The following PKHD1L1 variants were observed in gnomAD, a reference collection of about 807,000 sequenced individuals.
PKHD1L1 encodes the protein fibrocystin-L.
Under a neutral mutation model 462.9 loss-of-function variants are expected in PKHD1L1, and 434 were observed. That is an observed-to-expected ratio of 0.94 (90% CI 0.87 to 1.02). PKHD1L1 has a LOEUF of 1.02. Among genes scored for constraint, PKHD1L1 ranks in the 50% least tolerant of loss-of-function variants. The probability of loss-of-function intolerance (pLI) is 0.00; values close to 1 mark genes in which losing one functional copy is unlikely to be tolerated. For synonymous variants in PKHD1L1, 1,781 were observed against 1,750.0 expected (o/e 1.02, Z -0.44); for missense variants, 5,202 against 5,096.1 (o/e 1.02, Z -0.63).
chr8:109,463,589 C>T (rs1378097655), intron 48 of PKHD1L1, among the ~76,000 whole-genome samples: 2 of 152,154 alleles, frequency 1.3e-5, no homozygotes, highest in Non-Finnish European at 2.9e-5. Context: ...CACACAGACA[C>T]ACTGGTATCC....
intron 21 of PKHD1L1, among the ~76,000 whole-genome samples, chr8:109,415,862 GGGGTGTGTGTGT>G (rs1563752309): frequency 1.7e-4 from 14 of 83,914 alleles, no homozygotes; most frequent in South Asian, 4.4e-4. Flanking sequence ...AAAAAAAAAA[GGGGTGTGTGTGT>G]GTGTGTGTGT....
intron 70 of PKHD1L1, 145 bp downstream of exon 70, chr8:109,508,409 G>A (rs550909900): frequency 3.2e-5 from 25 of 786,286 alleles, no homozygotes; most frequent in Non-Finnish European, 4.2e-5. Context: ...TGAGCAATGC[G>A]CAGGGGAGAG....
intron 76 of PKHD1L1, among the ~76,000 whole-genome samples, chr8:109,523,892 G>C (rs1416025937): frequency 6.6e-6 from 1 of 152,148 alleles, no homozygotes; most frequent in Non-Finnish European, 1.5e-5. Flanking sequence ...TATTCTCTGA[G>C]AACAGAACAA....
At chr8:109,522,932 G>T (rs1250806083) in intron 75 of PKHD1L1, 42 bp downstream of exon 75, 2 of 1,529,512 alleles carry the variant, frequency 1.3e-6, no homozygotes, top group African/African-American at 2.7e-5. Context: ...AAGGAATTAA[G>T]CTACAAATTC....
chr8:109,520,969 G>T (rs1356209786), intron 73 of PKHD1L1, among the ~76,000 whole-genome samples: 1 of 152,180 alleles, frequency 6.6e-6, no homozygotes, highest in Non-Finnish European at 1.5e-5. Flanking sequence ...GCATGGACCT[G>T]AAGCAGTTCT....
At chr8:109,470,474 C>A in intron 50 of PKHD1L1, 5 of 1,607,920 alleles carry the variant, frequency 3.1e-6, no homozygotes, top group Admixed American at 3.4e-5. Context: ...GCCCAGATAG[C>A]GCTAGAGGAA....
At position 109,440,692 on chromosome 8, in the gene PKHD1L1, A is replaced by G. The variant is rs747404706; in HGVS notation, c.3957-18A>G. The stretch of plus-strand genomic sequence containing the variant: ...CAGTAGGAAGCTCATTGAAAAATCT[A>G]TTCATTTTTTTTCTCAGAGACAAAT... On this transcript the variant is annotated intron_variant, in intron 32 of 77. Transcript: ENST00000378402. 1 of 1,600,514 alleles carries G rather than the reference A, an allele frequency of 6.2e-7. No individual in the cohort carries two copies. Among genetic ancestry groups the G allele is most frequent in the Admixed American group, 1.7e-5 (1 of 59,406 alleles).
At chr8:109,470,804 A>C in intron 50 of PKHD1L1, 1 of 1,521,974 alleles carries the variant, frequency 6.6e-7, no homozygotes, top group Non-Finnish European at 9.0e-7. Flanking sequence ...GTAAGGAAGG[A>C]TGAACAAGTT....
intron 50 of PKHD1L1, chr8:109,470,754 TG>T: frequency 6.5e-7 from 1 of 1,546,890 alleles, no homozygotes; most frequent in Non-Finnish European, 8.8e-7. Context: ...AGTTTCTGAG[TG>T]GTAGGGAGGA....
Position 109,496,945 on chromosome 8 carries a change from T to C in PKHD1L1, c.10354T>C (p.Phe3452Leu), listed in dbSNP as rs1473421674. Residue 3452 changes from phenylalanine to leucine, a missense_variant, in exon 64 of 78, where the codon TTT becomes CTT. Physicochemically the swap from Phe to Leu is conservative, Grantham distance 22. Around this residue, in one of 3 missense-constraint regions of PKHD1L1, gnomAD observed 4,497 missense variants for 4,336.8 expected, o/e 1.04. Transcript: ENST00000378402. The stretch of plus-strand genomic sequence containing the variant: ...CCAGTTTAATCCTGTGGAAAAGTGG[T>C]TTGACAATGAAGCCCATGGAGGTTT... Reference protein sequence around the residue: ...PGQFNPVEKWFDNEAHGGLYG... With the variant: ...PGQFNPVEKWLDNEAHGGLYG... 2 of 1,613,462 alleles carry C rather than the reference T, an allele frequency of 1.2e-6. No homozygotes were observed. The highest frequency in any genetic ancestry group is 1.7e-6 in the Non-Finnish European group (2 of 1,179,584).
At chr8:109,396,366 G>A (rs1171220168) in intron 11 of PKHD1L1, among the ~76,000 whole-genome samples, 1 of 152,084 alleles carries the variant, frequency 6.6e-6, no homozygotes, top group African/African-American at 2.4e-5. Context: ...TCTAGGGATG[G>A]CACCAACAGG....
At chr8:109,512,433 C>A (rs1820040550) in intron 71 of PKHD1L1, among the ~76,000 whole-genome samples, 1 of 152,082 alleles carries the variant, frequency 6.6e-6, no homozygotes, top group Admixed American at 6.5e-5. Context: ...GTTTTCCCAG[C>A]ACCATTTATT....
intron 76 of PKHD1L1, among the ~76,000 whole-genome samples, chr8:109,526,176 A>G (rs911365051): frequency 2.6e-5 from 4 of 152,204 alleles, no homozygotes; most frequent in Admixed American, 1.3e-4. Context: ...ACAAGTAACA[A>G]TGTTTCTAAA....
Position 109,534,888 on chromosome 8 carries a change from T to A in PKHD1L1, c.*4798T>A, listed in dbSNP as rs1410601474. On this transcript the variant is annotated 3_prime_UTR_variant, in exon 78 of 78. Coordinates refer to ENST00000378402, the MANE Select transcript of PKHD1L1 (RefSeq NM_177531.6). The stretch of plus-strand genomic sequence containing the variant: ...CTGTTCTAAGAACGCCATTCACCCA[T>A]GAATGTGACTTTATTAGAGGTTTTT... Among the ~76,000 whole-genome samples the A allele has an allele frequency of 7.1e-6, 1 of 141,840 alleles. No individual in the cohort carries two copies. The highest frequency in any genetic ancestry group is 1.5e-5 in the Non-Finnish European group (1 of 65,058). The allele number at this position is 141,840 out of a possible 152,430, so 93.1% of individuals were successfully genotyped here. A position where few individuals can be genotyped will look rare whatever the true frequency, so the allele number is the denominator to read the frequency against.
intron 8 of PKHD1L1, 137 bp from the exon 9 acceptor site, chr8:109,390,315 A>G: frequency 2.3e-6 from 1 of 443,350 alleles, no homozygotes; most frequent in Non-Finnish European, 4.0e-6. Context: ...TATTTCTTTG[A>G]TGATGAATAT....
At position 109,530,126 on chromosome 8, in the gene PKHD1L1, T is replaced by C; in HGVS notation, c.*36T>C. The C allele has an allele frequency of 7.9e-7, 1 of 1,269,904 alleles. No individual in the cohort carries two copies. Among genetic ancestry groups the C allele is most frequent in the Non-Finnish European group, 1.0e-6 (1 of 969,610 alleles). The allele number at this position is 1,269,904 out of a possible 1,614,324, so 78.7% of individuals were successfully genotyped here. Reference sequence around the variant, plus strand: ...CGAAGAATAGGCTGAAACAAAAATATAAGAATTATTAGCTACTTTGTTGGG... The same window carrying C: ...CGAAGAATAGGCTGAAACAAAAATACAAGAATTATTAGCTACTTTGTTGGG... On this transcript the variant is annotated 3_prime_UTR_variant, in exon 78 of 78. Transcript: ENST00000378402.
intron 2 of PKHD1L1, among the ~76,000 whole-genome samples, chr8:109,372,965 TC>T (rs1281118234): frequency 1.3e-5 from 2 of 152,228 alleles, no homozygotes; most frequent in African/African-American, 4.8e-5. Context: ...TCTAAAATTT[TC>T]TTTTTTTGTT....
intron 46 of PKHD1L1, among the ~76,000 whole-genome samples, chr8:109,457,486 A>T (rs534566870): frequency 1.3e-5 from 2 of 152,250 alleles, no homozygotes; most frequent in South Asian, 4.1e-4. Flanking sequence ...TTCCCACCAA[A>T]TCTAATTGTT....
At chr8:109,478,561 A>AGCTCGCTGCGTGAAGGAAGG (rs1818115696) in intron 53 of PKHD1L1, among the ~76,000 whole-genome samples, 1 of 152,038 alleles carries the variant, frequency 6.6e-6, no homozygotes, top group African/African-American at 2.4e-5. Flanking sequence ...GATAAGGAAG[A>AGCTCGCTGCGTGAAGGAAGG]GCTCGCTGCG....
Sources: allele counts gnomAD v4.1 joint callset (sites outside exome capture counted in the v4.1 genomes callset), GRCh38; gene constraint gnomAD v4.1.1; regional missense constraint gnomAD v4.1.1; transcripts MANE v1.5; gene names NCBI Gene and HGNC (gene_info 2026-07-23, HGNC 2026-07-21).